CEP63: variants seen among roughly 807,000 people sequenced by gnomAD.
CEP63 encodes centrosomal protein of 63 kDa.
In CEP63, 84 loss-of-function variants were observed where a neutral mutation model predicts 89.1. The ratio of observed to expected loss-of-function variants is 0.94; its 90% CI spans 0.79 to 1.13. The LOEUF (loss-of-function observed/expected upper bound fraction) is 1.13, where lower values mean the gene tolerates loss of function less well. CEP63 is among the 50% of genes most tolerant of loss of function. The probability of loss-of-function intolerance (pLI) is 0.00; values close to 1 mark genes in which losing one functional copy is unlikely to be tolerated. For synonymous variants in CEP63, 267 were observed against 272.5 expected, an observed-to-expected ratio of 0.98 and a Z score of 0.20; for missense variants, 838 against 813.3, an observed-to-expected ratio of 1.03 and a Z score of -0.37.
the CEP63 span, among the ~76,000 whole-genome samples, chr3:134,624,178 C>G: frequency 6.8e-4 from 104 of 152,282 alleles, 1 homozygote; most frequent in African/African-American, 2.4e-3. Flanking sequence ...CCCTCTCCCC[C>G]ACCTCCCACC....
rs535735639 is a variant in CEP63 at position 134,550,321 on chromosome 3, A to G, written c.1380+61A>G. The G allele has an allele frequency of 1.7e-5, 25 of 1,445,246 alleles. No homozygotes were observed. The African/African-American group carries it at 3.0e-4, about 17-fold the overall frequency. 89.5% of individuals were successfully genotyped at this position (1,445,246 alleles called of 1,614,324 possible). On this transcript the variant is annotated intron_variant, in intron 11 of 14. Coordinates refer to ENST00000675561, the MANE Select transcript of CEP63 (RefSeq NM_001353108.3). ...TTTGTTTTAAAGATGGAGTTGATTA[A>G]AGACATAATTTTCATAATATTTAAT... is the stretch of plus-strand genomic sequence containing the variant.
the CEP63 span, among the ~76,000 whole-genome samples, chr3:134,662,834 A>G: frequency 9.8e-5 from 15 of 152,340 alleles, no homozygotes; most frequent in Admixed American, 2.6e-4. Context: ...ATGCACAGCT[A>G]TTGGAGTCTG....
At chr3:134,552,530 GT>G (rs1382179568) in intron 12 of CEP63, 1 of 153,142 alleles carries the variant, frequency 6.5e-6, no homozygotes, top group Non-Finnish European at 1.5e-5. Flanking sequence ...TATTATGTAT[GT>G]GATAAAATTT....
the CEP63 span, among the ~76,000 whole-genome samples, chr3:134,648,750 C>T: frequency 1.3e-5 from 2 of 152,158 alleles, no homozygotes; most frequent in Non-Finnish European, 2.9e-5. Flanking sequence ...GAAGGCCCTT[C>T]CAGCAGAAGG....
intron 10 of CEP63, among the ~76,000 whole-genome samples, chr3:134,580,761 A>G (rs549115016): frequency 6.6e-6 from 1 of 152,348 alleles, no homozygotes; most frequent in East Asian, 1.9e-4. Flanking sequence ...ACATTTGAGA[A>G]AAAATAGAGT....
chr3:134,572,511 G>A (rs1958053963), intron 11 of CEP63, among the ~76,000 whole-genome samples: 1 of 152,148 alleles, frequency 6.6e-6, no homozygotes, highest in East Asian at 1.9e-4. Flanking sequence ...ACAGTATTTG[G>A]TTTTCTGTTC....
chr3:134,773,741 C>T, the CEP63 span, among the ~76,000 whole-genome samples: 1 of 152,152 alleles, frequency 6.6e-6, no homozygotes, highest in African/African-American at 2.4e-5. Flanking sequence ...TAAATGTTGC[C>T]TCCTCAGTGA....
At chr3:134,730,904 T>C in the CEP63 span, among the ~76,000 whole-genome samples, 1 of 152,044 alleles carries the variant, frequency 6.6e-6, no homozygotes, top group African/African-American at 2.4e-5. Context: ...AAGAGCTACA[T>C]TGAAGTCAAA....
At chr3:134,690,865 C>T in the CEP63 span, among the ~76,000 whole-genome samples, 5 of 151,818 alleles carry the variant, frequency 3.3e-5, no homozygotes, top group African/African-American at 1.2e-4. Context: ...TCTCCTGCCT[C>T]AGCCTCCCAA....
chr3:134,489,975 A>G (rs1051012137), intron 1 of CEP63, among the ~76,000 whole-genome samples: 1 of 152,194 alleles, frequency 6.6e-6, no homozygotes, highest in African/African-American at 2.4e-5. Flanking sequence ...TGATATGACC[A>G]ATAGCTTTGG....
intron 10 of CEP63, among the ~76,000 whole-genome samples, chr3:134,586,421 G>A (rs1382055030): frequency 6.6e-6 from 1 of 152,086 alleles, no homozygotes; most frequent in African/African-American, 2.4e-5. Flanking sequence ...TTGCTTGTCT[G>A]TAAAGGATTT....
chr3:134,496,340 A>G (rs1939953421), intron 2 of CEP63, among the ~76,000 whole-genome samples: 1 of 151,932 alleles, frequency 6.6e-6, no homozygotes, highest in Non-Finnish European at 1.5e-5. Flanking sequence ...CAAACCATAC[A>G]TAATAGTGTA....
At chr3:134,629,745 G>T in the CEP63 span, 1 of 1,153,550 alleles carries the variant, frequency 8.7e-7, no homozygotes, top group South Asian at 1.3e-5. Flanking sequence ...GCCAGGAAAG[G>T]GTGAATGCCT....
chr3:134,541,732 C>G (rs765582712), intron 6 of CEP63, among the ~76,000 whole-genome samples: 5 of 142,608 alleles, frequency 3.5e-5, no homozygotes, highest in African/African-American at 1.3e-4. Flanking sequence ...AGGCTTTTCT[C>G]GAACTCCTGA....
chr3:134,577,172 C>A (rs750666669), downstream of CEP63, among the ~76,000 whole-genome samples: 2 of 151,998 alleles, frequency 1.3e-5, no homozygotes, highest in Non-Finnish European at 2.9e-5. Context: ...GGCCACCCAT[C>A]ATATGTCCCT....
the CEP63 span, chr3:134,651,540 T>G: frequency 1.0e-6 from 1 of 993,014 alleles, no homozygotes. Context: ...TCGACCTCAC[T>G]CCTTCCCTGG....
the CEP63 span, among the ~76,000 whole-genome samples, chr3:134,662,116 C>T: frequency 6.6e-6 from 1 of 151,888 alleles, no homozygotes; most frequent in Non-Finnish European, 1.5e-5. Context: ...GTCTCTACTA[C>T]AAATACAAAA....
the CEP63 span, among the ~76,000 whole-genome samples, chr3:134,733,666 T>C: frequency 0.017 from 2,538 of 151,686 alleles, 65 homozygotes; most frequent in African/African-American, 0.058. Flanking sequence ...GACTGAAGGG[T>C]GCAGCTTCAA....
chr3:134,528,554 G>C (rs1437108180), intron 3 of CEP63, among the ~76,000 whole-genome samples: 1 of 125,854 alleles, frequency 7.9e-6, no homozygotes, highest in Admixed American at 8.8e-5. Context: ...TTAAGGAGGG[G>C]TGTGTGTGTG....
Sources: allele counts gnomAD v4.1 joint callset (sites outside exome capture counted in the v4.1 genomes callset), GRCh38; gene constraint gnomAD v4.1.1; transcripts MANE v1.5; gene names NCBI Gene and HGNC (gene_info 2026-07-23, HGNC 2026-07-21).